ADGRD1: variants seen among roughly 807,000 people sequenced by gnomAD.
ADGRD1 encodes the protein G-protein coupled receptor 133.
ADGRD1 carries 77 observed loss-of-function variants against 113.4 expected under a neutral mutation model. The observed-to-expected ratio is 0.68, with a 90% CI of 0.57 to 0.82. The LOEUF (loss-of-function observed/expected upper bound fraction) is 0.82, where lower values mean the gene tolerates loss of function less well. Among genes scored for constraint, ADGRD1 ranks in the 40% least tolerant of loss-of-function variants. The pLI is 0.00. For missense variants in ADGRD1, 1,036 were observed against 1,139.1 expected, an observed-to-expected ratio of 0.91 and a Z score of 1.30; for synonymous variants, 474 against 475.0, an observed-to-expected ratio of 1.00 and a Z score of 0.03.
chr12:131,003,405 T>G lies in ADGRD1; in HGVS notation c.1144+103T>G. On this transcript the variant is annotated intron_variant, in intron 10 of 24. Coordinates refer to ENST00000261654, the MANE Select transcript of ADGRD1 (RefSeq NM_198827.5). This position sits in a 1 kb window ranked among gnomAD's most constrained non-coding sequence, Gnocchi z 4.8. ...ACCCTTAGCAGAGAGCCATGCTCTG[T>G]CTCCCTGACTGCTCTGCCTGGCACA... The G allele has an allele frequency of 1.2e-6, 1 of 837,400 alleles. No homozygotes were observed. Among genetic ancestry groups the G allele is most frequent in the Non-Finnish European group, 2.0e-6 (1 of 498,154 alleles). The allele number at this position is 837,400 out of a possible 1,614,324, so 51.9% of individuals were successfully genotyped here.
intron 12 of ADGRD1, among the ~76,000 whole-genome samples, chr12:131,013,940 C>G (rs11061281): frequency 0.19 from 28,358 of 152,204 alleles, 3,427 homozygotes; most frequent in African/African-American, 0.35. Flanking sequence ...CCTGGCGTCA[C>G]ACCTTAACGA....
chr12:130,994,271 A>G (rs1459181318), intron 8 of ADGRD1: 2 of 452,152 alleles, frequency 4.4e-6, no homozygotes, highest in African/African-American at 2.0e-5. Context: ...GTATGCAGTA[A>G]GTGCTTTATT....
chr12:131,079,233 A>T (rs1380996012), intron 14 of ADGRD1, among the ~76,000 whole-genome samples: 1 of 152,144 alleles, frequency 6.6e-6, no homozygotes. Flanking sequence ...CGTTACATGG[A>T]TGTACCGTAG....
intron 12 of ADGRD1, among the ~76,000 whole-genome samples, chr12:131,007,805 C>T (rs1201790420): frequency 6.6e-6 from 1 of 152,234 alleles, no homozygotes; most frequent in Admixed American, 6.5e-5. Flanking sequence ...TTTTCATTTG[C>T]AGTGAAGTTG....
Position 131,031,953 on chromosome 12 carries a change from G to A in ADGRD1, c.1473+17613G>A, listed in dbSNP as rs568421802. On this transcript the variant is annotated intron_variant, in intron 13 of 24. Transcript: ENST00000261654. ...TGTCTGTTTGGTGAACTGCTGCCCC[G>A]GAAGGGAGGCCTTCAGATGAACCAG... 1.7e-3 allele frequency among the ~76,000 whole-genome samples: 262 copies of A among 152,286 alleles called. 1 individual carries two copies. The highest frequency in any genetic ancestry group is 5.7e-3 in the African/African-American group (237 of 41,556).
chr12:131,005,604 G>A (rs991341288), intron 11 of ADGRD1, among the ~76,000 whole-genome samples: 11 of 75,416 alleles, frequency 1.5e-4, no homozygotes, highest in Non-Finnish European at 3.0e-4. Context: ...GCCCCCTGTT[G>A]ACTTGCAGGA....
chr12:130,967,016 A>G (rs1198448817), intron 3 of ADGRD1: 14 of 455,594 alleles, frequency 3.1e-5, no homozygotes, highest in Middle Eastern at 3.2e-4. Context: ...CATTTTCCCC[A>G]ACAATCTTGA....
chr12:130,990,378 G>T (rs1364443956), intron 6 of ADGRD1: 1 of 152,288 alleles, frequency 6.6e-6, no homozygotes, highest in Non-Finnish European at 1.5e-5. Context: ...TTCTCATCAG[G>T]AAATAGTGGG....
chr12:130,978,051 CCT>C (rs1371114989), intron 4 of ADGRD1: 2 of 152,182 alleles, frequency 1.3e-5, no homozygotes, highest in Non-Finnish European at 2.9e-5. Flanking sequence ...AGTTTTCTCC[CCT>C]GTGAAATGGG....
chr12:131,043,208 CA>C (rs1882321450), intron 13 of ADGRD1, among the ~76,000 whole-genome samples: 1 of 152,234 alleles, frequency 6.6e-6, no homozygotes, highest in African/African-American at 2.4e-5. Context: ...TGCATTTTCT[CA>C]GATGGCCTCC....
At chr12:131,073,246 T>C (rs1185562800) in intron 13 of ADGRD1, among the ~76,000 whole-genome samples, 1 of 152,218 alleles carries the variant, frequency 6.6e-6, no homozygotes, top group Non-Finnish European at 1.5e-5. Context: ...GCAAGAAACC[T>C]CAGAAAGCAC....
chr12:131,042,312 C>T (rs1333557230), intron 13 of ADGRD1, among the ~76,000 whole-genome samples: 5 of 152,224 alleles, frequency 3.3e-5, no homozygotes, highest in Non-Finnish European at 7.3e-5. Context: ...AAGCCTCCCA[C>T]TCCCCAGTGA....
intron 13 of ADGRD1, among the ~76,000 whole-genome samples, chr12:131,048,258 C>T (rs1452859717): frequency 2.0e-5 from 3 of 152,210 alleles, no homozygotes; most frequent in South Asian, 4.1e-4. Flanking sequence ...AATCCAGCAG[C>T]GGACGGCACG....
chr12:131,130,311 G>A (rs1243112657), intron 20 of ADGRD1, among the ~76,000 whole-genome samples: 1 of 152,220 alleles, frequency 6.6e-6, no homozygotes, highest in Non-Finnish European at 1.5e-5. Flanking sequence ...TGAGCTGGGC[G>A]TGAGCTGAGC....
At position 131,027,776 on chromosome 12, in the gene ADGRD1, T is replaced by C. The variant is rs1272124423; in HGVS notation, c.1473+13436T>C. On this transcript the variant is annotated intron_variant, in intron 13 of 24. Coordinates refer to ENST00000261654, the MANE Select transcript of ADGRD1 (RefSeq NM_198827.5). This position sits in a 1 kb window ranked among gnomAD's most constrained non-coding sequence, Gnocchi z 5.1. Reference sequence around the variant, plus strand: ...CCATGTTTTAAAAGCAAACGTGTTATTGGAGTATAACATGCCTGCAGAAAA... The same window carrying C: ...CCATGTTTTAAAAGCAAACGTGTTACTGGAGTATAACATGCCTGCAGAAAA... 1 of 152,206 alleles carries C rather than the reference T, an allele frequency of 6.6e-6. No individual in the cohort carries two copies. 9.4% of individuals were successfully genotyped at this position (152,206 alleles called of 1,614,324 possible).
At chr12:131,137,457 C>T (rs1193408679) in intron 23 of ADGRD1, among the ~76,000 whole-genome samples, 1 of 152,218 alleles carries the variant, frequency 6.6e-6, no homozygotes, top group African/African-American at 2.4e-5. Flanking sequence ...CTGCCATGTA[C>T]TTGGCTGGGG....
chr12:131,067,915 CG>C (rs1884849860), intron 13 of ADGRD1, among the ~76,000 whole-genome samples: 1 of 1,348 alleles, frequency 7.4e-4, no homozygotes, highest in Admixed American at 7.0e-3. Context: ...TATGTCTGAT[CG>C]CTGTGCCCCT....
chr12:131,139,854 T>A lies in ADGRD1; in HGVS notation c.*591T>A, dbSNP rs141406650. 1 of 152,794 alleles carries A rather than the reference T, an allele frequency of 6.5e-6. No homozygotes were observed. Among genetic ancestry groups the A allele is most frequent in the Non-Finnish European group, 1.5e-5 (1 of 68,476 alleles). The allele number at this position is 152,794 out of a possible 1,614,324, so 9.5% of individuals were successfully genotyped here. The stretch of plus-strand genomic sequence containing the variant: ...TGCCGGCGTGGGCCAACCTGTGCTG[T>A]GTCATCAGTTGGGGGCCCCTGCCCA... On this transcript the variant is annotated 3_prime_UTR_variant, in exon 25 of 25. Transcript: ENST00000261654.
At chr12:130,963,407 T>A (rs1489362389) in intron 2 of ADGRD1, among the ~76,000 whole-genome samples, 1 of 151,744 alleles carries the variant, frequency 6.6e-6, no homozygotes, top group Non-Finnish European at 1.5e-5. Context: ...TTCTTACATC[T>A]CGCACTCAGC....
Sources: allele counts gnomAD v4.1 joint callset (sites outside exome capture counted in the v4.1 genomes callset), GRCh38; gene constraint gnomAD v4.1.1; non-coding constraint Gnocchi (gnomAD v3.1); transcripts MANE v1.5; gene names NCBI Gene and HGNC (gene_info 2026-07-23, HGNC 2026-07-21).